FGF14: variants seen among roughly 807,000 people sequenced by gnomAD.
FGF14 encodes the protein fibroblast growth factor 14, also known as fibroblast growth factor homologous factor 4.
FGF14 carries 5 observed loss-of-function variants against 25.5 expected under a neutral mutation model. The observed-to-expected ratio is 0.20, with a 90% CI of 0.10 to 0.41. FGF14 has a LOEUF of 0.41. Ranked by LOEUF, FGF14 falls within the 10% of genes least tolerant of loss-of-function variation. The pLI is 1.00. For synonymous variants in FGF14, 138 were observed against 118.3 expected (o/e 1.17, Z -1.08); for missense variants, 222 against 320.1 (o/e 0.69, Z 2.34).
intron 1 of FGF14, among the ~76,000 whole-genome samples, chr13:102,036,511 G>A (rs1644953867): frequency 6.6e-6 from 1 of 152,154 alleles, no homozygotes; most frequent in South Asian, 2.1e-4. Context: ...TGGGTTGGTT[G>A]TGGTGAGCAG....
chr13:101,799,366 C>T (rs1172517404), intron 3 of FGF14, among the ~76,000 whole-genome samples: 1 of 152,042 alleles, frequency 6.6e-6, no homozygotes. Context: ...AGAAGCCTGT[C>T]TTCACTCTTT....
chr13:101,926,954 C>T (rs942512650), intron 1 of FGF14, among the ~76,000 whole-genome samples: 32 of 152,202 alleles, frequency 2.1e-4, no homozygotes, highest in Non-Finnish European at 2.4e-4. Context: ...AAGCTTTATG[C>T]GGACAGAGGA....
intron 1 of FGF14, among the ~76,000 whole-genome samples, chr13:102,299,374 C>G (rs1481914172): frequency 6.6e-6 from 1 of 152,082 alleles, no homozygotes; most frequent in East Asian, 1.9e-4. Flanking sequence ...GAATATAAAG[C>G]AGTGCAAACA....
chr13:102,396,003 T>G (rs1291901037), intron 1 of FGF14, among the ~76,000 whole-genome samples: 1 of 152,212 alleles, frequency 6.6e-6, no homozygotes, highest in Admixed American at 6.5e-5. Context: ...TAGTTGGTCT[T>G]GATACAAAAG....
intron 1 of FGF14, among the ~76,000 whole-genome samples, chr13:101,945,568 G>A (rs1566475406): frequency 6.6e-6 from 1 of 152,104 alleles, no homozygotes; most frequent in South Asian, 2.1e-4. Context: ...CCTGCACCTC[G>A]GCCTGATAAA....
chr13:101,765,306 T>C (rs759793403), intron 3 of FGF14, among the ~76,000 whole-genome samples: 2 of 152,210 alleles, frequency 1.3e-5, no homozygotes, highest in Non-Finnish European at 2.9e-5. Context: ...AGAAATTACT[T>C]GAAAATTCCC....
chr13:102,282,073 TTTC>T (rs1385079190), intron 1 of FGF14, among the ~76,000 whole-genome samples: 11 of 145,616 alleles, frequency 7.6e-5, no homozygotes, highest in South Asian at 2.3e-4. Flanking sequence ...CTTTTTTTTT[TTTC>T]TTCCTTTGAG....
intron 1 of FGF14, among the ~76,000 whole-genome samples, chr13:102,354,910 C>T (rs2057380357): frequency 6.6e-6 from 1 of 151,880 alleles, no homozygotes. Context: ...TTTGAGTTAC[C>T]TTATTTGTAA....
At chr13:101,769,390 T>C (rs1003667595) in intron 3 of FGF14, among the ~76,000 whole-genome samples, 1 of 151,194 alleles carries the variant, frequency 6.6e-6, no homozygotes, top group African/African-American at 2.4e-5. Flanking sequence ...AGAAGACAGT[T>C]TGATGGTTTC....
At chr13:101,861,764 G>T (rs1566333172) in intron 3 of FGF14, among the ~76,000 whole-genome samples, 1 of 151,912 alleles carries the variant, frequency 6.6e-6, no homozygotes, top group Non-Finnish European at 1.5e-5. Flanking sequence ...CCAAGAAAAC[G>T]CAATGACAAA....
chr13:101,962,982 T>C (rs2036961037), intron 1 of FGF14, among the ~76,000 whole-genome samples: 1 of 152,224 alleles, frequency 6.6e-6, no homozygotes, highest in Non-Finnish European at 1.5e-5. Flanking sequence ...AGAACTGCCA[T>C]AGCTTCCTTC....
intron 1 of FGF14, among the ~76,000 whole-genome samples, chr13:102,193,340 A>G (rs1489523800): frequency 6.6e-6 from 1 of 152,120 alleles, no homozygotes; most frequent in African/African-American, 2.4e-5. Flanking sequence ...ATCATGAGGG[A>G]TCCAGTCACA....
intron 3 of FGF14, among the ~76,000 whole-genome samples, chr13:101,756,437 T>C (rs1038935975): frequency 6.6e-6 from 1 of 152,188 alleles, no homozygotes; most frequent in African/African-American, 2.4e-5. Flanking sequence ...AGAAACACTC[T>C]TTAAAATAGT....
At chr13:101,984,671 C>T (rs1177348848) in intron 1 of FGF14, among the ~76,000 whole-genome samples, 2 of 142,906 alleles carry the variant, frequency 1.4e-5, no homozygotes, top group African/African-American at 6.1e-5. Flanking sequence ...GTGGTACTGT[C>T]CTAGGTAGGA....
At chr13:102,156,468 T>A (rs1018631472) in intron 1 of FGF14, among the ~76,000 whole-genome samples, 2 of 152,204 alleles carry the variant, frequency 1.3e-5, no homozygotes, top group Non-Finnish European at 2.9e-5. Flanking sequence ...CAGCCCTTCA[T>A]GCTAAAAACT....
At chr13:102,043,721 AC>A (rs1467737505) in intron 1 of FGF14, among the ~76,000 whole-genome samples, 5 of 152,196 alleles carry the variant, frequency 3.3e-5, no homozygotes, top group Non-Finnish European at 5.9e-5. Flanking sequence ...TAGATTAGGA[AC>A]TAGGAAATCT....
intron 3 of FGF14, among the ~76,000 whole-genome samples, chr13:101,859,639 G>A (rs2044305649): frequency 6.6e-6 from 1 of 152,106 alleles, no homozygotes; most frequent in South Asian, 2.1e-4. Flanking sequence ...CCTTTTGTTA[G>A]TAGTTTGTGT....
intron 1 of FGF14, among the ~76,000 whole-genome samples, chr13:102,091,799 T>C (rs1198907868): frequency 6.6e-6 from 1 of 152,160 alleles, no homozygotes; most frequent in Non-Finnish European, 1.5e-5. Flanking sequence ...AGTTTCTTTT[T>C]CTACCCTTTA....
At chr13:102,339,188 C>T (rs961910981) in intron 1 of FGF14, among the ~76,000 whole-genome samples, 7 of 151,802 alleles carry the variant, frequency 4.6e-5, no homozygotes, top group Non-Finnish European at 8.8e-5. Context: ...GAACATCTCA[C>T]GTACCCCATA....
Sources: gnomAD v4.1 joint callset for allele counts (sites outside exome capture counted in the v4.1 genomes callset) on GRCh38, gnomAD v4.1.1 for gene constraint, MANE v1.5 for transcripts, NCBI Gene and HGNC (gene_info 2026-07-23, HGNC 2026-07-21) for gene names.